Variants in BCL2L15 observed in about 807,000 individuals in gnomAD.
BCL2L15 encodes the protein bcl-2-like protein 15.
BCL2L15 carries 15 observed loss-of-function variants against 18.3 expected under a neutral mutation model. That is an observed-to-expected ratio of 0.82 (90% confidence interval 0.55 to 1.26). BCL2L15 has a LOEUF of 1.26. Among genes scored for constraint, BCL2L15 ranks in the 50% most tolerant of loss-of-function variants. BCL2L15 has a pLI of 0.00. For missense variants in BCL2L15, 180 were observed against 201.7 expected (o/e 0.89, Z 0.65); for synonymous variants, 58 against 68.5 (o/e 0.85, Z 0.76).
At chr1:113,885,782 C>A (rs2102255160) in intron 2 of BCL2L15, among the ~76,000 whole-genome samples, 1 of 152,140 alleles carries the variant, frequency 6.6e-6, no homozygotes, top group African/African-American at 2.4e-5. Context: ...GTGGCTCACC[C>A]CTGTAGTCCC....
In BCL2L15 at chr1:113,879,040, AG is replaced by A. The variant is rs1328531749; in HGVS notation, c.*2082del. On this transcript the variant is annotated 3_prime_UTR_variant, in exon 4 of 4. Transcript: ENST00000393316. The stretch of plus-strand genomic sequence containing the variant: ...AATTTTTTGTATTTTTAGCAGAGAC[AG>A]GGTTTCACCATGTTGGCCAGGCTGG... The A allele has an allele frequency of 1.3e-5, 2 of 152,120 alleles. No homozygotes were observed. Among genetic ancestry groups the A allele is most frequent in the African/African-American group, 4.8e-5 (2 of 41,424 alleles). 9.4% of individuals were successfully genotyped at this position (152,120 alleles called of 1,614,324 possible). A position where few individuals can be genotyped will look rare whatever the true frequency, so the allele number is the denominator to read the frequency against.
rs1667068416 is a variant in BCL2L15, at chr1:113,887,324, G to T, written c.52C>A (p.Leu18Ile). The T allele has an allele frequency of 6.2e-7, 1 of 1,614,054 alleles. No homozygotes were observed. Among genetic ancestry groups the T allele is most frequent in the African/African-American group, 1.3e-5 (1 of 74,920 alleles). The change falls in exon 1 of 4, where the codon CTA becomes ATA. Residue 18 changes from leucine (L) to isoleucine (I), a missense_variant. Coordinates refer to ENST00000393316, the MANE Select transcript of BCL2L15 (RefSeq NM_001010922.3). ...GTTGGGCTCAAGAAGTCCATGAGTA[G>T]AGTGTTCACAATGCATTCCGTTTGT... ...EEQTECIVNT[L>I]LMDFLSPTLQ...
intron 2 of BCL2L15, among the ~76,000 whole-genome samples, chr1:113,883,438 C>T (rs1009113461): frequency 5.4e-5 from 8 of 149,344 alleles, no homozygotes; most frequent in Non-Finnish European, 1.2e-4. Context: ...GCCGAGATTG[C>T]GCCATTGCTC....
chr1:113,887,133 G>A (rs1433770216), intron 1 of BCL2L15, 116 bp downstream of exon 1: 1 of 918,938 alleles, frequency 1.1e-6, no homozygotes, highest in Admixed American at 2.4e-5. Context: ...CCTGACTTCA[G>A]GTGATCCACC....
rs1278573515 is a variant in BCL2L15 at position 113,882,001 on chromosome 1, AG to A, written c.250-5del. On this transcript the variant is annotated splice_region_variant and splice_polypyrimidine_tract_variant and intron_variant, in intron 2 of 3. Coordinates refer to ENST00000393316, the MANE Select transcript of BCL2L15 (RefSeq NM_001010922.3). ...TGTCCTGGAGTATAGCTCCTGTCTG[AG>A]GAAAGACAAAGGAAACATCAACAGA... is the stretch of plus-strand genomic sequence containing the variant. The A allele has an allele frequency of 6.2e-7, 1 of 1,609,936 alleles. No homozygotes were observed. The highest frequency in any genetic ancestry group is 8.5e-7 in the Non-Finnish European group (1 of 1,176,668).
chr1:113,884,729 AT>A (rs35255785), intron 2 of BCL2L15, among the ~76,000 whole-genome samples: 112,945 of 151,554 alleles, frequency 0.75, 42,769 homozygotes, highest in African/African-American at 0.89. Flanking sequence ...TTCAAAATAT[AT>A]TTTTTTTTAT....
Position 113,876,914 on chromosome 1 carries a change from T to C in BCL2L15, c.*4209A>G, listed in dbSNP as rs1005661109. On this transcript the variant is annotated 3_prime_UTR_variant, in exon 4 of 4. Transcript: ENST00000393316. Reference sequence around the variant, plus strand: ...GGGTGTTACAGAAGTATACAACAAATTGTATCATTCAGCAATCCTTTATCC... The same window carrying C: ...GGGTGTTACAGAAGTATACAACAAACTGTATCATTCAGCAATCCTTTATCC... Among the ~76,000 whole-genome samples, 10 of 152,164 alleles carry C rather than the reference T, an allele frequency of 6.6e-5. No individual in the cohort carries two copies. Among genetic ancestry groups the C allele is most frequent in the African/African-American group, 2.2e-4 (9 of 41,434 alleles).
intron 1 of BCL2L15, 73 bp downstream of exon 1, chr1:113,887,176 G>C (rs1667062445): frequency 6.9e-7 from 1 of 1,443,406 alleles, no homozygotes; most frequent in Admixed American, 1.8e-5. Flanking sequence ...GGGATTACGG[G>C]AATCAGTCAC....
At chr1:113,881,575 G>A (rs142485003) in intron 3 of BCL2L15, 198 bp downstream of exon 3, 526 of 1,414,244 alleles carry the variant, frequency 3.7e-4, no homozygotes, top group Non-Finnish European at 4.5e-4. Flanking sequence ...AGCATGACTC[G>A]AGTCCAACAT....
intron 3 of BCL2L15, 146 bp from the exon 4 acceptor site, chr1:113,881,286 A>G (rs1666872330): frequency 1.6e-6 from 2 of 1,248,536 alleles, no homozygotes; most frequent in Non-Finnish European, 2.3e-6. Context: ...GGAGTGCTCT[A>G]TGACAGCATA....
At position 113,881,272 on chromosome 1, in the gene BCL2L15, G is replaced by A. The variant is rs1666872051; in HGVS notation, c.475-132C>T. The stretch of plus-strand genomic sequence containing the variant: ...AAGGCTTTCACTGACCCTGTAAATG[G>A]AAAGGAGTGCTCTATGACAGCATAA... On this transcript the variant is annotated intron_variant, in intron 3 of 3. Coordinates refer to ENST00000393316, the MANE Select transcript of BCL2L15 (RefSeq NM_001010922.3). 3.7e-6 allele frequency: 5 copies of A among 1,357,682 alleles called. No individual in the cohort carries two copies. The South Asian group carries it at 5.0e-5, about 13-fold the overall frequency. 84.1% of individuals were successfully genotyped at this position (1,357,682 alleles called of 1,614,324 possible). A position where few individuals can be genotyped will look rare whatever the true frequency, so the allele number is the denominator to read the frequency against.
At chr1:113,883,012 CCTCTTTCTTTTT>C (rs1238131410) in intron 2 of BCL2L15, among the ~76,000 whole-genome samples, 2 of 152,058 alleles carry the variant, frequency 1.3e-5, no homozygotes, top group African/African-American at 4.8e-5. Flanking sequence ...TCTTCCTTTT[CCTCTTTCTTTTT>C]CAAAAATGGA....
Position 113,880,939 on chromosome 1 carries a change from T to C in BCL2L15, c.*184A>G. The C allele has an allele frequency of 1.4e-6, 1 of 725,778 alleles. No individual in the cohort carries two copies. Among genetic ancestry groups the C allele is most frequent in the Non-Finnish European group, 2.3e-6 (1 of 437,968 alleles). The allele number at this position is 725,778 out of a possible 1,614,324, so 45.0% of individuals were successfully genotyped here. ...AAAACAAAACAAAACAAAAACCAAC[T>C]CTGCAGGCCTCTGGCAGCTGCTCCC... On this transcript the variant is annotated 3_prime_UTR_variant, in exon 4 of 4. Transcript: ENST00000393316.
Position 113,881,011 on chromosome 1 carries a change from CT to C in BCL2L15, c.*111del. ...ATAACTTATTCAGCTAAGTTCAGTT[CT>C]GATAAAATGAAAAAAGTGCTTTTTT... On this transcript the variant is annotated 3_prime_UTR_variant, in exon 4 of 4. Coordinates refer to ENST00000393316, the MANE Select transcript of BCL2L15 (RefSeq NM_001010922.3). 6.8e-7 allele frequency: 1 copy of C among 1,476,026 alleles called. No individual in the cohort carries two copies. Among genetic ancestry groups the C allele is most frequent in the East Asian group, 2.3e-5 (1 of 42,944 alleles). The allele number at this position is 1,476,026 out of a possible 1,614,324, so 91.4% of individuals were successfully genotyped here.
chr1:113,887,015 A>G (rs572310900), intron 1 of BCL2L15, among the ~76,000 whole-genome samples: 5 of 151,710 alleles, frequency 3.3e-5, no homozygotes, highest in African/African-American at 1.2e-4. Flanking sequence ...CTCATGCCTC[A>G]GTCTCCCATG....
intron 2 of BCL2L15, 84 bp from the exon 3 acceptor site, chr1:113,882,081 T>C: frequency 1.7e-5 from 19 of 1,102,004 alleles, no homozygotes; most frequent in Non-Finnish European, 2.5e-5. Flanking sequence ...GTAAAGCAAT[T>C]GTTTCTTAGA....
intron 3 of BCL2L15, 103 bp downstream of exon 3, chr1:113,881,670 T>C (rs1666881576): frequency 6.9e-7 from 1 of 1,452,460 alleles, no homozygotes; most frequent in Non-Finnish European, 9.1e-7. Context: ...CCTGTTTTCC[T>C]GTTGGTTTCC....
At position 113,887,347 on chromosome 1, in the gene BCL2L15, T is replaced by C. The variant is rs765988230; in HGVS notation, c.29A>G (p.Gln10Arg). The change falls in exon 1 of 4, where the codon CAA (glutamine) becomes CGA (arginine). Residue 10 changes from glutamine (Q) to arginine (R), a missense_variant. Gln to Arg is a conservative substitution (Grantham distance 43). Coordinates refer to ENST00000393316, the MANE Select transcript of BCL2L15 (RefSeq NM_001010922.3). ...TAGAGTGTTCACAATGCATTCCGTT[T>C]GTTCCTCAAAAGTTTGGGAGCTCTT... The part of the protein sequence containing the change: MKSSQTFEE[Q>R]TECIVNTLLM... 5.0e-6 allele frequency: 8 copies of C among 1,614,230 alleles called. No homozygotes were observed. The highest frequency in any genetic ancestry group is 6.8e-6 in the Non-Finnish European group (8 of 1,180,020).
At chr1:113,884,210 G>C (rs1666964608) in intron 2 of BCL2L15, among the ~76,000 whole-genome samples, 1 of 152,188 alleles carries the variant, frequency 6.6e-6, no homozygotes, top group Non-Finnish European at 1.5e-5. Flanking sequence ...GGTATAAAAT[G>C]AAATCTTGTG....
Sources: allele counts gnomAD v4.1 joint callset (sites outside exome capture counted in the v4.1 genomes callset), GRCh38; gene constraint gnomAD v4.1.1; transcripts MANE v1.5; gene names NCBI Gene and HGNC (gene_info 2026-07-23, HGNC 2026-07-21).